The following ANXA10 variants were observed in gnomAD, a reference collection of about 807,000 sequenced individuals.
ANXA10 encodes the protein annexin A10, also known as annexin 14.
ANXA10 carries 49 observed loss-of-function variants against 53.5 expected under a neutral mutation model. The ratio of observed to expected loss-of-function variants is 0.92; its 90% CI spans 0.73 to 1.16. ANXA10 has a LOEUF of 1.16. Among genes scored for constraint, ANXA10 ranks in the 50% most tolerant of loss-of-function variants. The probability of loss-of-function intolerance (pLI) is 0.00; values close to 1 mark genes in which losing one functional copy is unlikely to be tolerated. For missense variants in ANXA10, 393 were observed against 394.4 expected, an observed-to-expected ratio of 1.00 and a Z score of 0.03; for synonymous variants, 131 against 128.9, an observed-to-expected ratio of 1.02 and a Z score of -0.11.
At chr4:168,174,031 A>G (rs976356286) in intron 6 of ANXA10, among the ~76,000 whole-genome samples, 2 of 152,048 alleles carry the variant, frequency 1.3e-5, no homozygotes, top group Admixed American at 6.5e-5. Flanking sequence ...GGGCTGCCCA[A>G]CTTGGGTCTC....
chr4:168,147,094 G>A (rs1344180812), intron 3 of ANXA10, among the ~76,000 whole-genome samples: 1 of 152,194 alleles, frequency 6.6e-6, no homozygotes, highest in Non-Finnish European at 1.5e-5. Flanking sequence ...GTTTCCCCCA[G>A]TGGAATAGCT....
At chr4:168,186,601 T>C (rs655408) in intron 11 of ANXA10, among the ~76,000 whole-genome samples, 39,358 of 152,104 alleles carry the variant, frequency 0.26, 5,547 homozygotes, top group African/African-American at 0.34. Context: ...CCACATCTGC[T>C]TGATCTTGGC....
At chr4:168,105,251 ACTCT>A (rs1425715808) in intron 1 of ANXA10, among the ~76,000 whole-genome samples, 2 of 150,072 alleles carry the variant, frequency 1.3e-5, no homozygotes, top group African/African-American at 4.9e-5. Context: ...ATTTTTCCTG[ACTCT>A]CTCCATTCTC....
chr4:168,152,113 C>T (rs1218942081), intron 3 of ANXA10, among the ~76,000 whole-genome samples: 1 of 152,182 alleles, frequency 6.6e-6, no homozygotes, highest in Non-Finnish European at 1.5e-5. Flanking sequence ...CCTATTCCAC[C>T]TGGGTGGGAG....
At chr4:168,165,414 G>C in intron 6 of ANXA10, 88 bp downstream of exon 6, 1 of 617,270 alleles carries the variant, frequency 1.6e-6, no homozygotes, top group Non-Finnish European at 2.6e-6. Context: ...AAATAGAACA[G>C]AAAACTCCAG....
intron 1 of ANXA10, among the ~76,000 whole-genome samples, chr4:168,115,537 A>C (rs1039186700): frequency 1.5e-5 from 2 of 133,806 alleles, no homozygotes; most frequent in Non-Finnish European, 3.2e-5. Context: ...ACACACACAC[A>C]CTCCCCTCTT....
At chr4:168,114,196 A>T (rs1206326977) in intron 1 of ANXA10, among the ~76,000 whole-genome samples, 2 of 152,146 alleles carry the variant, frequency 1.3e-5, no homozygotes, top group East Asian at 3.8e-4. Context: ...TTCATTACCT[A>T]CATTTGTTTA....
At chr4:168,139,718 T>C (rs1371473740) in intron 3 of ANXA10, 138 bp downstream of exon 3, 1 of 541,288 alleles carries the variant, frequency 1.8e-6, no homozygotes, top group East Asian at 2.9e-5. Flanking sequence ...ATACAGTTCA[T>C]ATTCCTCTTA....
chr4:168,148,791 T>C (rs1731447570), intron 3 of ANXA10, among the ~76,000 whole-genome samples: 1 of 152,150 alleles, frequency 6.6e-6, no homozygotes. Context: ...GGACATTCAT[T>C]AGCAGTTCCT....
chr4:168,156,288 T>TTATATTATATTATATATAATAGTA (rs1731674085), intron 3 of ANXA10, among the ~76,000 whole-genome samples: 1 of 18,642 alleles, frequency 5.4e-5, no homozygotes, highest in Non-Finnish European at 1.0e-4. Flanking sequence ...ATAGTATATA[T>TTATATTATATTATATATAATAGTA]TATATTATAT....
At chr4:168,171,342 T>C (rs373909037) in intron 6 of ANXA10, among the ~76,000 whole-genome samples, 7 of 152,308 alleles carry the variant, frequency 4.6e-5, no homozygotes, top group African/African-American at 1.7e-4. Context: ...TTTTACTCTG[T>C]AAATTAAAGG....
chr4:168,121,943 A>T (rs1242674815), intron 1 of ANXA10, among the ~76,000 whole-genome samples: 1 of 152,142 alleles, frequency 6.6e-6, no homozygotes, highest in Non-Finnish European at 1.5e-5. Context: ...TCCTGGGTTC[A>T]AGCAATTCTC....
chr4:168,187,450 G>A lies in ANXA10; in HGVS notation c.*16G>A. 5.1e-6 allele frequency: 8 copies of A among 1,558,596 alleles called. No individual in the cohort carries two copies. Among genetic ancestry groups the A allele is most frequent in the Non-Finnish European group, 7.0e-6 (8 of 1,144,646 alleles). ...GGACTACTAAAATGAAGAGGACTTGGAGTACTGTGCACTCCTCTTTCTAGA... is the reference window on the plus strand; with the variant it reads ...GGACTACTAAAATGAAGAGGACTTGAAGTACTGTGCACTCCTCTTTCTAGA... On this transcript the variant is annotated 3_prime_UTR_variant, in exon 12 of 12. Coordinates refer to ENST00000359299, the MANE Select transcript of ANXA10 (RefSeq NM_007193.5).
chr4:168,166,682 T>TGTGTGTGTGTG (rs1731887703), intron 6 of ANXA10, among the ~76,000 whole-genome samples: 1 of 113,628 alleles, frequency 8.8e-6, no homozygotes, highest in Non-Finnish European at 1.9e-5. Context: ...GTGTGTGTGT[T>TGTGTGTGTGTG]TGAAATGAAG....
At chr4:168,186,182 CTT>C (rs1484752211) in intron 11 of ANXA10, among the ~76,000 whole-genome samples, 1 of 152,182 alleles carries the variant, frequency 6.6e-6, no homozygotes, top group Non-Finnish European at 1.5e-5. Flanking sequence ...CATTACATGA[CTT>C]TGTGCCAAAG....
chr4:168,093,013 C>T (rs976294434), intron 1 of ANXA10, among the ~76,000 whole-genome samples: 4 of 152,012 alleles, frequency 2.6e-5, no homozygotes, highest in African/African-American at 9.7e-5. Context: ...TGGATTTGAG[C>T]ATACCTAAGA....
chr4:168,124,528 T>C (rs987007967), intron 1 of ANXA10, among the ~76,000 whole-genome samples: 1 of 152,230 alleles, frequency 6.6e-6, no homozygotes, highest in African/African-American at 2.4e-5. Context: ...GTCACAGGAA[T>C]ATGTTACAGC....
At chr4:168,139,653 A>AT (rs376001928) in intron 3 of ANXA10, 73 bp downstream of exon 3, 16,711 of 1,066,246 alleles carry the variant, frequency 0.016, 46 homozygotes, top group South Asian at 0.025. Flanking sequence ...GATAATAGGT[A>AT]TTTTTTTTTT....
At position 168,162,147 on chromosome 4, in the gene ANXA10, T is replaced by C. The variant is rs111780393; in HGVS notation, c.196-381T>C. Reference sequence around the variant, plus strand: ...CAATGATAAAATAAAATAAAGTGCATATTTTCTTTAAGGAGTAATGTTTCA... The same window carrying C: ...CAATGATAAAATAAAATAAAGTGCACATTTTCTTTAAGGAGTAATGTTTCA... On this transcript the variant is annotated intron_variant, in intron 3 of 11. Coordinates refer to ENST00000359299, the MANE Select transcript of ANXA10 (RefSeq NM_007193.5). 6.2e-3 allele frequency among the ~76,000 whole-genome samples: 937 copies of C among 152,338 alleles called. 7 individuals are homozygous for C. Among genetic ancestry groups the C allele is most frequent in the African/African-American group, 0.019 (792 of 41,580 alleles).
Sources: allele counts gnomAD v4.1 joint callset (sites outside exome capture counted in the v4.1 genomes callset), GRCh38; gene constraint gnomAD v4.1.1; transcripts MANE v1.5; gene names NCBI Gene and HGNC (gene_info 2026-07-23, HGNC 2026-07-21).